The following PDE4D variants were observed in gnomAD, a reference collection of about 807,000 sequenced individuals.
PDE4D encodes phosphodiesterase 4D.
A neutral mutation model predicts 87.4 loss-of-function variants in PDE4D; 24 were observed. The ratio of observed to expected loss-of-function variants is 0.27; its 90% confidence interval spans 0.20 to 0.39. PDE4D has a LOEUF of 0.39. PDE4D is among the 10% of genes least tolerant of loss of function. The probability of loss-of-function intolerance (pLI) is 1.00; values close to 1 mark genes in which losing one functional copy is unlikely to be tolerated. For synonymous variants in PDE4D, 384 were observed against 383.2 expected, an observed-to-expected ratio of 1.00 and a Z score of -0.02; for missense variants, 714 against 1,041.0, an observed-to-expected ratio of 0.69 and a Z score of 4.32.
chr5:60,355,379 T>C (rs1759534343), intron 1 of PDE4D, among the ~76,000 whole-genome samples: 2 of 152,194 alleles, frequency 1.3e-5, no homozygotes, highest in Non-Finnish European at 2.9e-5. Context: ...TGGATGATGA[T>C]AATCTACTTT....
intron 1 of PDE4D, among the ~76,000 whole-genome samples, chr5:59,414,174 C>A (rs966081451): frequency 6.6e-6 from 1 of 152,178 alleles, no homozygotes; most frequent in African/African-American, 2.4e-5. Flanking sequence ...CCAGTGCACA[C>A]GTTATTCTTA....
At chr5:59,009,827 T>C (rs1359937591) in intron 6 of PDE4D, among the ~76,000 whole-genome samples, 1 of 152,216 alleles carries the variant, frequency 6.6e-6, no homozygotes, top group African/African-American at 2.4e-5. Flanking sequence ...TATCAAATTA[T>C]TTCAATTCCA....
At chr5:59,864,820 T>C (rs1435072) in intron 1 of PDE4D, among the ~76,000 whole-genome samples, 132 of 152,230 alleles carry the variant, frequency 8.7e-4, no homozygotes, top group Admixed American at 1.5e-3. Flanking sequence ...AGGAAAGACA[T>C]GGGGCTACAG....
At chr5:59,125,604 A>G (rs1775269092) in intron 5 of PDE4D, among the ~76,000 whole-genome samples, 1 of 152,170 alleles carries the variant, frequency 6.6e-6, no homozygotes. Flanking sequence ...AGAGGAAGGG[A>G]TATCTTGGGG....
In PDE4D at chr5:60,238,107, C is replaced by A. The variant is rs148096642; in HGVS notation, c.-89-52420G>T. Reference sequence around the variant, plus strand: ...AAATATTGTTTTGAATGTCCTAAAACTTCCTAGAAATGGCATCAAATAATA... The same window carrying A: ...AAATATTGTTTTGAATGTCCTAAAAATTCCTAGAAATGGCATCAAATAATA... On this transcript the variant is annotated intron_variant, in intron 1 of 16. Transcript: ENST00000502484. Among the ~76,000 whole-genome samples, 228 of 152,046 alleles carry A rather than the reference C, an allele frequency of 1.5e-3. 2 individuals carry two copies. Among genetic ancestry groups the A allele is most frequent in the African/African-American group, 5.2e-3 (218 of 41,548 alleles).
chr5:59,185,390 C>T (rs1477339465), intron 3 of PDE4D, 128 bp from the exon 4 acceptor site: 8 of 638,940 alleles, frequency 1.3e-5, no homozygotes, highest in East Asian at 2.8e-5. Context: ...AAGAATCTCC[C>T]AACACTTAGT....
At chr5:59,210,105 A>G (rs913413250) in intron 2 of PDE4D, among the ~76,000 whole-genome samples, 3 of 152,228 alleles carry the variant, frequency 2.0e-5, no homozygotes, top group Non-Finnish European at 4.4e-5. Flanking sequence ...TCTGTGGTTA[A>G]TGGAAGAAAG....
chr5:59,759,763 T>A (rs1041690358), intron 1 of PDE4D, among the ~76,000 whole-genome samples: 21 of 152,174 alleles, frequency 1.4e-4, no homozygotes, highest in African/African-American at 5.1e-4. Context: ...CACTTCCTGG[T>A]GTGCTTCTCA....
At chr5:60,460,909 T>C (rs1746882426) in intron 1 of PDE4D, among the ~76,000 whole-genome samples, 1 of 152,164 alleles carries the variant, frequency 6.6e-6, no homozygotes, top group East Asian at 1.9e-4. Flanking sequence ...TAAATGTCCA[T>C]TCTTAATTTT....
At chr5:60,105,291 G>A (rs1776756231) in intron 2 of PDE4D, among the ~76,000 whole-genome samples, 1 of 152,264 alleles carries the variant, frequency 6.6e-6, no homozygotes, top group African/African-American at 2.4e-5. Context: ...ATGAAATGAA[G>A]CGAGAAGGGA....
At chr5:59,071,544 G>GT (rs11401918) in intron 5 of PDE4D, among the ~76,000 whole-genome samples, 50,800 of 140,504 alleles carry the variant, frequency 0.36, 10,018 homozygotes, top group East Asian at 0.66. Flanking sequence ...TCTCTGAGTT[G>GT]TTTTTTTTTT....
chr5:59,935,929 G>A (rs1296785542), intron 3 of PDE4D, among the ~76,000 whole-genome samples: 1 of 152,162 alleles, frequency 6.6e-6, no homozygotes, highest in Non-Finnish European at 1.5e-5. Context: ...CTGTGCATGT[G>A]TCTTTATAGC....
At chr5:59,275,997 T>C (rs1205420327) in intron 1 of PDE4D, 3 of 985,082 alleles carry the variant, frequency 3.0e-6, no homozygotes, top group Non-Finnish European at 3.6e-6. Flanking sequence ...TGTGTGTCCC[T>C]GCTTAGAATC....
intron 5 of PDE4D, among the ~76,000 whole-genome samples, chr5:59,141,588 G>C (rs528365844): frequency 1.1e-4 from 17 of 152,212 alleles, no homozygotes; most frequent in Non-Finnish European, 2.1e-4. Flanking sequence ...CTGTGTTACA[G>C]AGACTTATAG....
At chr5:60,416,584 C>G (rs1202608308) in intron 1 of PDE4D, among the ~76,000 whole-genome samples, 1 of 152,128 alleles carries the variant, frequency 6.6e-6, no homozygotes, top group Admixed American at 6.5e-5. Context: ...ACGAACCCAC[C>G]AGAAGGAGGA....
rs553492050 is a variant in PDE4D at position 60,110,031 on chromosome 5, A to G, written c.42+75526T>C. On this transcript the variant is annotated intron_variant, in intron 2 of 16. Coordinates refer to the PDE4D transcript ENST00000502484. ...TATAATAATAATTAAAAAAAAATTA[A>G]AAACCTATTCTTTTGGTTGGGTGGT... is the stretch of plus-strand genomic sequence containing the variant. 2.6e-5 allele frequency among the ~76,000 whole-genome samples: 4 copies of G among 152,166 alleles called. No homozygotes were observed. The South Asian group carries it at 8.3e-4, about 32-fold the overall frequency.
intron 1 of PDE4D, among the ~76,000 whole-genome samples, chr5:59,530,161 G>A (rs193096686): frequency 5.3e-5 from 8 of 152,158 alleles, no homozygotes; most frequent in African/African-American, 1.4e-4. Context: ...TTATTACTAG[G>A]CCAATATTCA....
chr5:59,997,745 G>A lies in PDE4D; in HGVS notation c.43-9028C>T, dbSNP rs150598947. Among the ~76,000 whole-genome samples the A allele has an allele frequency of 7.0e-3, 1,068 of 152,218 alleles. 6 individuals carry two copies. The highest frequency in any genetic ancestry group is 0.012 in the Non-Finnish European group (833 of 68,008). On this transcript the variant is annotated intron_variant, in intron 2 of 16. Transcript: ENST00000502484. ...CTTATATTTAACATTATAGCTACTG[G>A]TAAAGCATAGGTTCATGCTTAAGAT... is the stretch of plus-strand genomic sequence containing the variant.
At chr5:59,618,308 G>A (rs1293534873) in intron 1 of PDE4D, among the ~76,000 whole-genome samples, 1 of 152,112 alleles carries the variant, frequency 6.6e-6, no homozygotes, top group Non-Finnish European at 1.5e-5. Context: ...TGACAGGAAT[G>A]GAAGATGTAA....
Sources: gnomAD v4.1 joint callset for allele counts (sites outside exome capture counted in the v4.1 genomes callset) on GRCh38, gnomAD v4.1.1 for gene constraint, MANE v1.5 for transcripts, NCBI Gene and HGNC (gene_info 2026-07-23, HGNC 2026-07-21) for gene names.